Variants in BARD1 observed in about 807,000 individuals in gnomAD.
BARD1 encodes the protein BRCA1-associated RING domain protein 1.
Under a neutral mutation model 77.0 loss-of-function variants are expected in BARD1, and 73 were observed. The ratio of observed to expected loss-of-function variants is 0.95; its 90% CI spans 0.79 to 1.15. The LOEUF (loss-of-function observed/expected upper bound fraction) is 1.15. Ranked by LOEUF, BARD1 falls within the 50% of genes most tolerant of loss-of-function variation. The pLI is 0.00. For synonymous variants in BARD1, 384 were observed against 338.0 expected, an observed-to-expected ratio of 1.14 and a Z score of -1.49; for missense variants, 993 against 938.8, an observed-to-expected ratio of 1.06 and a Z score of -0.75.
intron 6 of BARD1, among the ~76,000 whole-genome samples, chr2:214,762,685 T>C (rs1694017232): frequency 6.6e-6 from 1 of 152,178 alleles, no homozygotes; most frequent in Non-Finnish European, 1.5e-5. Flanking sequence ...AGTTTATCAA[T>C]CGACTTGATA....
Position 214,780,778 on chromosome 2 carries a change from G to A in BARD1, c.1096C>T (p.Pro366Ser). The change falls in exon 4 of 11, where the codon CCT (proline) becomes TCT (serine). Residue 366 changes from proline to serine, a missense_variant. Pro to Ser is a moderately conservative substitution (Grantham distance 74). Transcript: ENST00000260947. Reference protein sequence around the residue: ...NIPLPECSSPPSCKRKVGGTS... With the variant: ...NIPLPECSSPSSCKRKVGGTS... ...CCACCAACTTTACGTTTGCATGAAGGTGGTGAAGAACATTCAGGCAATGGT... is the reference window on the plus strand; with the variant it reads ...CCACCAACTTTACGTTTGCATGAAGATGGTGAAGAACATTCAGGCAATGGT... The A allele has an allele frequency of 6.2e-7, 1 of 1,614,038 alleles. No homozygotes were observed. The highest frequency in any genetic ancestry group is 1.1e-5 in the South Asian group (1 of 91,076).
chr2:214,807,139 G>A (rs767933472), intron 1 of BARD1, among the ~76,000 whole-genome samples: 4 of 151,696 alleles, frequency 2.6e-5, no homozygotes, highest in South Asian at 2.1e-4. Context: ...GCCCTTTACC[G>A]AAAAAATTTG....
intron 4 of BARD1, among the ~76,000 whole-genome samples, chr2:214,773,761 G>A (rs1342235507): frequency 6.6e-6 from 1 of 152,190 alleles, no homozygotes; most frequent in Non-Finnish European, 1.5e-5. Flanking sequence ...GGTAGTTGCT[G>A]AAGGTTTGGG....
intron 4 of BARD1, among the ~76,000 whole-genome samples, chr2:214,774,819 G>C (rs954917400): frequency 2.6e-5 from 4 of 152,190 alleles, no homozygotes; most frequent in Non-Finnish European, 5.9e-5. Context: ...AGATCTTCTG[G>C]ATAACCTGCT....
chr2:214,739,563 G>GA (rs112324867), intron 9 of BARD1, among the ~76,000 whole-genome samples: 5,185 of 151,944 alleles, frequency 0.034, 281 homozygotes, highest in African/African-American at 0.12. Flanking sequence ...TGACAAAAAT[G>GA]AAAAAACAGT....
chr2:214,793,047 G>A (rs1001734158), intron 2 of BARD1, among the ~76,000 whole-genome samples: 1 of 151,952 alleles, frequency 6.6e-6, no homozygotes, highest in Non-Finnish European at 1.5e-5. Context: ...GTAAAAAGAG[G>A]GATTCACGAT....
intron 3 of BARD1, among the ~76,000 whole-genome samples, chr2:214,790,035 T>C (rs921527126): frequency 2.0e-5 from 3 of 152,148 alleles, no homozygotes; most frequent in African/African-American, 7.2e-5. Context: ...TTTTCCTAAA[T>C]ATCTTTAATG....
At chr2:214,777,765 G>A (rs909119400) in intron 4 of BARD1, among the ~76,000 whole-genome samples, 3 of 152,072 alleles carry the variant, frequency 2.0e-5, no homozygotes, top group African/African-American at 7.2e-5. Flanking sequence ...TTTAACTTTA[G>A]AGCCACTTCA....
At position 214,809,664 on chromosome 2, in the gene BARD1, G is replaced by A; in HGVS notation, c.-95C>T. The stretch of plus-strand genomic sequence containing the variant: ...GCTGCAGGCCAGCGACTCGAAACCG[G>A]CCAAGCTCTTCCCGCGTCTGGGACG... On this transcript the variant is annotated 5_prime_UTR_variant, in exon 1 of 11. Transcript: ENST00000260947. The A allele has an allele frequency of 6.8e-7, 1 of 1,466,918 alleles. No individual in the cohort carries two copies. The allele number at this position is 1,466,918 out of a possible 1,614,324, so 90.9% of individuals were successfully genotyped here.
At position 214,777,594 on chromosome 2, in the gene BARD1, A is replaced by C. The variant is rs1694790790; in HGVS notation, c.1314+2966T>G. On this transcript the variant is annotated intron_variant, in intron 4 of 10. Coordinates refer to ENST00000260947, the MANE Select transcript of BARD1 (RefSeq NM_000465.4). ...TCTGAAGTAGGTGGGTACAAAACAT[A>C]AATAATCACCACCAAAAAAGATGCA... Among the ~76,000 whole-genome samples, 3 of 152,218 alleles carry C rather than the reference A, an allele frequency of 2.0e-5. No homozygotes were observed. In the South Asian group the frequency reaches 6.2e-4, roughly 31 times the overall value.
chr2:214,784,978 A>T (rs1695204913), intron 3 of BARD1, among the ~76,000 whole-genome samples: 1 of 151,768 alleles, frequency 6.6e-6, no homozygotes, highest in Non-Finnish European at 1.5e-5. Context: ...AAACCTATGT[A>T]ACAAACCTGC....
At chr2:214,759,392 C>G (rs918978237) in intron 6 of BARD1, among the ~76,000 whole-genome samples, 1 of 152,074 alleles carries the variant, frequency 6.6e-6, no homozygotes, top group African/African-American at 2.4e-5. Flanking sequence ...CTGGGATGTA[C>G]AGAGGGCAGT....
intron 1 of BARD1, among the ~76,000 whole-genome samples, chr2:214,803,472 G>A (rs1158831698): frequency 6.6e-6 from 1 of 152,242 alleles, no homozygotes; most frequent in African/African-American, 2.4e-5. Context: ...CCTTAGGGCT[G>A]GAGGTGGGAC....
intron 9 of BARD1, among the ~76,000 whole-genome samples, chr2:214,735,040 ACT>A (rs1027629005): frequency 6.6e-6 from 1 of 152,146 alleles, no homozygotes; most frequent in Non-Finnish European, 1.5e-5. Context: ...TCAATACTTA[ACT>A]TTGTTTTATG....
In BARD1 at chr2:214,728,301, A is replaced by G. The variant is rs34738248; in HGVS notation, c.*375T>C. The G allele has an allele frequency of 5.9e-5, 14 of 236,306 alleles. No homozygotes were observed. Among genetic ancestry groups the G allele is most frequent in the East Asian group, 3.8e-4 (6 of 15,748 alleles). The allele number at this position is 236,306 out of a possible 1,614,324, so 14.6% of individuals were successfully genotyped here. ...TTTACTAAAAAAAAAAAAAAAAAAAAGGCAAGTTTTTTCACTGGTGGCAGG... is the reference window on the plus strand; with the variant it reads ...TTTACTAAAAAAAAAAAAAAAAAAAGGGCAAGTTTTTTCACTGGTGGCAGG... On this transcript the variant is annotated 3_prime_UTR_variant, in exon 11 of 11. Coordinates refer to ENST00000260947, the MANE Select transcript of BARD1 (RefSeq NM_000465.4).
At chr2:214,738,802 G>GA (rs1171026389) in intron 9 of BARD1, among the ~76,000 whole-genome samples, 1 of 152,126 alleles carries the variant, frequency 6.6e-6, no homozygotes, top group Non-Finnish European at 1.5e-5. Context: ...GCCATACTTA[G>GA]AATTTTCTCA....
At chr2:214,803,313 G>C (rs970584426) in intron 1 of BARD1, among the ~76,000 whole-genome samples, 29 of 152,164 alleles carry the variant, frequency 1.9e-4, no homozygotes, top group Non-Finnish European at 3.5e-4. Flanking sequence ...TAAAGGGTCT[G>C]TGCTGAGGAG....
chr2:214,770,154 C>CA lies in BARD1; in HGVS notation c.1315-843dup, dbSNP rs201684575. ...GCAACAGTTGCTCTGTTTAAAATGG[C>CA]AAAAAAAGAGATCAGTACAAACCTA... On this transcript the variant is annotated intron_variant, in intron 4 of 10. Transcript: ENST00000260947. Among the ~76,000 whole-genome samples, 1,351 of 152,018 alleles carry CA rather than the reference C, an allele frequency of 8.9e-3. 8 individuals are homozygous for CA. Among genetic ancestry groups the CA allele is most frequent in the Middle Eastern group, 0.075 (22 of 294 alleles).
At chr2:214,755,608 G>GT (rs1296950960) in intron 6 of BARD1, among the ~76,000 whole-genome samples, 2 of 152,174 alleles carry the variant, frequency 1.3e-5, no homozygotes, top group Non-Finnish European at 2.9e-5. Flanking sequence ...ACTAGAAACT[G>GT]GAATATGGTG....
Sources: allele counts gnomAD v4.1 joint callset (sites outside exome capture counted in the v4.1 genomes callset), GRCh38; gene constraint gnomAD v4.1.1; transcripts MANE v1.5; gene names NCBI Gene and HGNC (gene_info 2026-07-23, HGNC 2026-07-21).